Variants in KCNN3 observed in about 807,000 individuals in gnomAD.
The protein encoded by KCNN3 is small conductance calcium-activated potassium channel protein 3.
In KCNN3, 16 loss-of-function variants were observed where a neutral mutation model predicts 62.9. That is an observed-to-expected ratio of 0.25 (90% confidence interval 0.17 to 0.39). The LOEUF (loss-of-function observed/expected upper bound fraction) is 0.39, where lower values mean the gene tolerates loss of function less well. Ranked by LOEUF, KCNN3 falls within the 10% of genes least tolerant of loss-of-function variation. KCNN3 has a pLI of 1.00. For synonymous variants in KCNN3, 370 were observed against 389.2 expected, an observed-to-expected ratio of 0.95 and a Z score of 0.58; for missense variants, 599 against 949.4, an observed-to-expected ratio of 0.63 and a Z score of 4.85.
intron 3 of KCNN3, among the ~76,000 whole-genome samples, chr1:154,744,098 T>G (rs1250571007): frequency 1.3e-5 from 2 of 152,172 alleles, no homozygotes; most frequent in African/African-American, 4.8e-5. Flanking sequence ...CCTGACATAA[T>G]AGATATGTGG....
intron 5 of KCNN3, among the ~76,000 whole-genome samples, chr1:154,720,792 G>A (rs1047351050): frequency 6.6e-6 from 1 of 152,240 alleles, no homozygotes; most frequent in African/African-American, 2.4e-5. Flanking sequence ...GAAGTGAGGA[G>A]AGCAGGTAGC....
At position 154,869,697 on chromosome 1, in the gene KCNN3, G is replaced by C. The variant is rs778862958; in HGVS notation, c.268C>G (p.Gln90Glu). Residue 90 changes from glutamine to glutamate, a missense_variant, in exon 1 of 8, where the codon CAA (glutamine) becomes GAA (glutamate). This residue lies in a region of KCNN3 where 112 missense variants were observed against 142.9 expected (regional missense o/e 0.78). Coordinates refer to ENST00000271915, the MANE Select transcript of KCNN3 (RefSeq NM_002249.6). The surrounding 1 kb of genome is among the most constrained non-coding windows in gnomAD (Gnocchi z 6.1). ...GGGTGGACGGGCTGGCTCTGGAGTT[G>C]GGCGAGCTGAGACAGGGGATGCGGT... is the stretch of plus-strand genomic sequence containing the variant. ...QPPHPLSQLA[Q>E]LQSQPVHPGL... 2.5e-6 allele frequency: 4 copies of C among 1,587,544 alleles called. No homozygotes were observed. The Admixed American group carries it at 7.3e-5, about 29-fold the overall frequency.
intron 1 of KCNN3, among the ~76,000 whole-genome samples, chr1:154,852,132 A>G (rs1286200235): frequency 6.6e-6 from 1 of 152,262 alleles, no homozygotes; most frequent in Admixed American, 6.5e-5. Flanking sequence ...ATTTAAAATT[A>G]AATATAAAAA....
intron 3 of KCNN3, among the ~76,000 whole-genome samples, chr1:154,766,534 A>G (rs552732623): frequency 5.3e-4 from 79 of 147,732 alleles, no homozygotes; most frequent in Non-Finnish European, 9.9e-4. Flanking sequence ...AAAGCAGTCC[A>G]TGAGGAACCA....
intron 2 of KCNN3, among the ~76,000 whole-genome samples, chr1:154,792,699 T>C (rs1649568281): frequency 6.6e-6 from 1 of 152,112 alleles, no homozygotes. Context: ...TGAGGGAAGA[T>C]TCCTCCCAGG....
At chr1:154,810,161 C>T (rs1650342061) in intron 2 of KCNN3, among the ~76,000 whole-genome samples, 1 of 152,158 alleles carries the variant, frequency 6.6e-6, no homozygotes, top group South Asian at 2.1e-4. Context: ...ACCATAGGAA[C>T]GGGCAGAAGG....
intron 3 of KCNN3, among the ~76,000 whole-genome samples, chr1:154,755,241 G>A (rs143010889): frequency 4.8e-4 from 73 of 152,114 alleles, no homozygotes; most frequent in African/African-American, 1.7e-3. Context: ...AACCTGAAGT[G>A]GGAGTATTGC....
intron 2 of KCNN3, among the ~76,000 whole-genome samples, chr1:154,793,831 A>C (rs1649616972): frequency 6.6e-6 from 1 of 152,162 alleles, no homozygotes; most frequent in Non-Finnish European, 1.5e-5. Flanking sequence ...CCTGCCCCAG[A>C]TCTCCAAAGT....
intron 2 of KCNN3, among the ~76,000 whole-genome samples, chr1:154,793,274 C>T (rs1021432857): frequency 1.3e-5 from 2 of 152,222 alleles, no homozygotes; most frequent in Admixed American, 6.5e-5. Flanking sequence ...AGCAAAGGCC[C>T]AGAGCCAGCT....
At chr1:154,710,677 G>A (rs961815434) in intron 7 of KCNN3, among the ~76,000 whole-genome samples, 1 of 152,298 alleles carries the variant, frequency 6.6e-6, no homozygotes, top group East Asian at 1.9e-4. Context: ...CCAAAAGTGG[G>A]CGAAGGATAT....
At chr1:154,845,027 G>A (rs867018237) in intron 1 of KCNN3, among the ~76,000 whole-genome samples, 9 of 151,238 alleles carry the variant, frequency 6.0e-5, no homozygotes, top group South Asian at 2.1e-4. Context: ...AAAAGAGAGA[G>A]AAAAAAAACT....
intron 4 of KCNN3, among the ~76,000 whole-genome samples, chr1:154,729,404 G>A (rs994252567): frequency 5.3e-5 from 8 of 152,114 alleles, no homozygotes; most frequent in South Asian, 4.1e-4. Flanking sequence ...AGGGAGCACC[G>A]AGTGCATGGA....
At chr1:154,800,077 G>A (rs374607179) in intron 2 of KCNN3, among the ~76,000 whole-genome samples, 2 of 152,226 alleles carry the variant, frequency 1.3e-5, no homozygotes, top group Non-Finnish European at 2.9e-5. Flanking sequence ...ATTCCTGAAC[G>A]AATGTAAGGG....
Position 154,705,870 on chromosome 1 carries a change from A to G in KCNN3, c.*2106T>C, listed in dbSNP as rs566904824. 1 of 152,342 alleles carries G rather than the reference A, an allele frequency of 6.6e-6. No homozygotes were observed. The highest frequency in any genetic ancestry group is 1.9e-4 in the East Asian group (1 of 5,182). The allele number at this position is 152,342 out of a possible 1,614,324, so 9.4% of individuals were successfully genotyped here. A position where few individuals can be genotyped will look rare whatever the true frequency, so the allele number is the denominator to read the frequency against. ...GGTCTTCACTTTGTGAAATGGAACT[A>G]ATGCCACAAGGAAACTGCATGGTTA... On this transcript the variant is annotated 3_prime_UTR_variant, in exon 8 of 8. Transcript: ENST00000271915.
chr1:154,772,787 G>A lies in KCNN3; in HGVS notation c.1030-394C>T, dbSNP rs1369150788. On this transcript the variant is annotated intron_variant, in intron 2 of 7. Coordinates refer to ENST00000271915, the MANE Select transcript of KCNN3 (RefSeq NM_002249.6). The surrounding 1 kb of genome is among the most constrained non-coding windows in gnomAD (Gnocchi z 5.6). ...TGCTAATGAGATGACTAGTGGCTGG[G>A]GTCGGTCGGGGTGGGGATCCAGGGT... Among the ~76,000 whole-genome samples the A allele has an allele frequency of 6.6e-6, 1 of 152,172 alleles. No individual in the cohort carries two copies. Among genetic ancestry groups the A allele is most frequent in the Non-Finnish European group, 1.5e-5 (1 of 68,032 alleles).
intron 5 of KCNN3, among the ~76,000 whole-genome samples, chr1:154,722,529 A>C (rs371737322): frequency 1.3e-5 from 2 of 151,166 alleles, no homozygotes; most frequent in Admixed American, 6.6e-5. Flanking sequence ...CTGGGGCTAC[A>C]GGCACGTGCC....
chr1:154,861,899 A>G (rs1211276325), intron 1 of KCNN3, among the ~76,000 whole-genome samples: 2 of 152,170 alleles, frequency 1.3e-5, no homozygotes, highest in Admixed American at 6.5e-5. Context: ...GGACTCGACA[A>G]AGATCACACA....
intron 5 of KCNN3, among the ~76,000 whole-genome samples, chr1:154,719,867 C>G (rs1209778334): frequency 6.6e-6 from 1 of 152,164 alleles, no homozygotes; most frequent in Admixed American, 6.5e-5. Context: ...CTCTGCCTGC[C>G]TCACCCAGAG....
intron 2 of KCNN3, among the ~76,000 whole-genome samples, chr1:154,795,283 G>A (rs1649684172): frequency 6.6e-6 from 1 of 152,196 alleles, no homozygotes. Flanking sequence ...TTTCTGACTG[G>A]CTTCTGAAGA....
Sources: allele counts gnomAD v4.1 joint callset (sites outside exome capture counted in the v4.1 genomes callset), GRCh38; gene constraint gnomAD v4.1.1; regional missense constraint gnomAD v4.1.1; non-coding constraint Gnocchi (gnomAD v3.1); transcripts MANE v1.5; gene names NCBI Gene and HGNC (gene_info 2026-07-23, HGNC 2026-07-21).